Variants in ZNF76 observed in about 807,000 individuals in gnomAD.
ZNF76 encodes the protein zinc finger protein 523.
A neutral mutation model predicts 66.9 loss-of-function variants in ZNF76; 66 were observed. That is an observed-to-expected ratio of 0.99 (90% CI 0.81 to 1.21). ZNF76 has a LOEUF of 1.21. Among genes scored for constraint, ZNF76 ranks in the 50% most tolerant of loss-of-function variants. The pLI is 0.00. For synonymous variants in ZNF76, 275 were observed against 296.1 expected, an observed-to-expected ratio of 0.93 and a Z score of 0.73; for missense variants, 729 against 760.3, an observed-to-expected ratio of 0.96 and a Z score of 0.48.
chr6:35,284,177 C>T (rs1163521711), intron 2 of ZNF76, among the ~76,000 whole-genome samples: 10 of 151,910 alleles, frequency 6.6e-5, no homozygotes, highest in African/African-American at 2.2e-4. Context: ...CTGCAACCTT[C>T]GCCTCCCGGG....
Position 35,292,866 on chromosome 6 carries a change from G to A in ZNF76, c.1166-15G>A, listed in dbSNP as rs1790621465. On this transcript the variant is annotated splice_polypyrimidine_tract_variant and intron_variant, in intron 10 of 13. Coordinates refer to ENST00000373953, the MANE Select transcript of ZNF76 (RefSeq NM_003427.5). This position sits in a 1 kb window ranked among gnomAD's most constrained non-coding sequence, Gnocchi z 4.7. ...CATCTGGTAGCAGATGTCAGCCTTG[G>A]CTCTCCTCTCCCAGCCGCCTCTGCA... 6.2e-7 allele frequency: 1 copy of A among 1,613,876 alleles called. No homozygotes were observed. Among genetic ancestry groups the A allele is most frequent in the African/African-American group, 1.3e-5 (1 of 74,908 alleles).
chr6:35,281,529 C>T (rs1248738462), intron 2 of ZNF76, among the ~76,000 whole-genome samples: 1 of 152,190 alleles, frequency 6.6e-6, no homozygotes, highest in Admixed American at 6.5e-5. Context: ...TGACTCCCTG[C>T]TTTTCAGATA....
At chr6:35,278,288 C>T (rs1055343655) in intron 1 of ZNF76, among the ~76,000 whole-genome samples, 1 of 152,206 alleles carries the variant, frequency 6.6e-6, no homozygotes, top group Non-Finnish European at 1.5e-5. Context: ...CCTGCCTCAG[C>T]CTCCCAAGTA....
chr6:35,290,467 T>G, intron 6 of ZNF76, 85 bp downstream of exon 6: 1 of 1,580,322 alleles, frequency 6.3e-7, no homozygotes, highest in Non-Finnish European at 8.6e-7. Context: ...TTGGAATTGG[T>G]CCCTGCCCTC....
intron 5 of ZNF76, among the ~76,000 whole-genome samples, chr6:35,288,839 G>A (rs536005836): frequency 4.0e-4 from 61 of 151,798 alleles, no homozygotes; most frequent in African/African-American, 1.3e-3. Flanking sequence ...GTGCGCACCT[G>A]TGGTCCCAGC....
At position 35,286,226 on chromosome 6, in the gene ZNF76, C is replaced by T. The variant is rs1789541760; in HGVS notation, c.154+18C>T. 1.9e-6 allele frequency: 3 copies of T among 1,613,900 alleles called. No individual in the cohort carries two copies. The highest frequency in any genetic ancestry group is 2.5e-6 in the Non-Finnish European group (3 of 1,179,752). ...ACAGAAAGGTGAGGGCACCCCAACA[C>T]ACCATGCCTTGTCGAGGGAAGCCTG... On this transcript the variant is annotated intron_variant, in intron 3 of 13. Transcript: ENST00000373953.
At position 35,293,891 on chromosome 6, in the gene ZNF76, C is replaced by T. The variant is rs1790798055; in HGVS notation, c.1470C>T (p.Ser490=). The change falls in exon 12 of 14, where the codon AGC becomes AGT. Residue 490 remains serine, a synonymous_variant. Coordinates refer to ENST00000373953, the MANE Select transcript of ZNF76 (RefSeq NM_003427.5). ...GCACACATACAGTCACCATGGTCAG[C>T]GCCGATGGCACCCAGACGCAGCCCG... ...TSGTHTVTMV[S]ADGTQTQPVT... 1 of 1,614,100 alleles carries T rather than the reference C, an allele frequency of 6.2e-7. No individual in the cohort carries two copies. Among genetic ancestry groups the T allele is most frequent in the South Asian group, 1.1e-5 (1 of 91,072 alleles).
At chr6:35,261,171 G>A (rs1785196390) in intron 1 of ZNF76, among the ~76,000 whole-genome samples, 3 of 152,142 alleles carry the variant, frequency 2.0e-5, no homozygotes, top group Admixed American at 6.5e-5. Context: ...GTAAAGCACC[G>A]GGCACCATGC....
At position 35,291,698 on chromosome 6, in the gene ZNF76, A is replaced by G. The variant is rs776340002; in HGVS notation, c.892A>G (p.Ser298Gly). The change falls in exon 9 of 14, where the codon AGC (serine) becomes GGC (glycine). Residue 298 changes from serine to glycine, a missense_variant. Physicochemically the swap from Ser to Gly is moderately conservative, Grantham distance 56. Coordinates refer to ENST00000373953, the MANE Select transcript of ZNF76 (RefSeq NM_003427.5). The part of the protein sequence containing the change: ...PEPHCGRGFT[S>G]ATNYKNHVRI... The stretch of plus-strand genomic sequence containing the variant: ...GCCCCACTGTGGCCGCGGCTTCACC[A>G]GCGCCACCAACTATAAGAATCACGT... The G allele has an allele frequency of 1.9e-6, 3 of 1,612,616 alleles. No homozygotes were observed.
intron 1 of ZNF76, among the ~76,000 whole-genome samples, chr6:35,260,076 C>T (rs894956921): frequency 6.6e-6 from 1 of 152,052 alleles, no homozygotes; most frequent in Non-Finnish European, 1.5e-5. Flanking sequence ...CGGCGCCCGC[C>T]TCCACCCTTG....
At chr6:35,275,021 G>A (rs754709499) in intron 1 of ZNF76, among the ~76,000 whole-genome samples, 1 of 152,098 alleles carries the variant, frequency 6.6e-6, no homozygotes, top group Non-Finnish European at 1.5e-5. Flanking sequence ...CGGGCGTGGT[G>A]GTGCATGCCT....
chr6:35,286,374 G>A lies in ZNF76; in HGVS notation c.207G>A (p.Met69Ile). ...GQPVQLEDGS[M>I]AYIHRTPREG... ...CTGTGCAGCTGGAAGATGGCAGCAT[G>A]GCTTACATACACCGCACACCCAGAG... Residue 69 changes from methionine to isoleucine, a missense_variant, in exon 4 of 14, where the codon ATG becomes ATA. Met to Ile is a conservative substitution (Grantham distance 10). Transcript: ENST00000373953. The A allele has an allele frequency of 1.9e-6, 3 of 1,614,174 alleles. No individual in the cohort carries two copies. Among genetic ancestry groups the A allele is most frequent in the Non-Finnish European group, 2.5e-6 (3 of 1,180,050 alleles).
At chr6:35,267,713 G>A (rs1043220290) in intron 1 of ZNF76, among the ~76,000 whole-genome samples, 9 of 152,306 alleles carry the variant, frequency 5.9e-5, no homozygotes, top group African/African-American at 1.9e-4. Flanking sequence ...AAGTGCAGAC[G>A]AAACATGGGG....
intron 12 of ZNF76, 62 bp from the exon 13 acceptor site, chr6:35,294,394 T>C: frequency 8.7e-7 from 1 of 1,150,874 alleles, no homozygotes; most frequent in Non-Finnish European, 1.3e-6. Flanking sequence ...GGATGTTTAT[T>C]TGGATTGTGG....
rs1158260727 is a variant in ZNF76 at position 35,291,390 on chromosome 6, C to G, written c.738C>G (p.Val246=). ...CCTCAGGAGACCTGCAGAAGCATGT[C>G]CGTACCCACACTGGTATGCTGGGCC... ...FKTSGDLQKH[V]RTHTGERPFQ... is the part of the protein sequence containing the mutation. Residue 246 remains valine, a synonymous_variant, in exon 8 of 14, where the codon GTC becomes GTG. Coordinates refer to ENST00000373953, the MANE Select transcript of ZNF76 (RefSeq NM_003427.5). 1 of 1,614,032 alleles carries G rather than the reference C, an allele frequency of 6.2e-7. No homozygotes were observed. The highest frequency in any genetic ancestry group is 8.5e-7 in the Non-Finnish European group (1 of 1,180,024).
intron 5 of ZNF76, chr6:35,288,147 C>G: frequency 1.7e-6 from 1 of 585,582 alleles, no homozygotes; most frequent in East Asian, 3.8e-5. Context: ...CATCCTTATG[C>G]TGAGGAGTTA....
chr6:35,278,711 C>T (rs938121483), intron 1 of ZNF76, among the ~76,000 whole-genome samples: 12 of 152,212 alleles, frequency 7.9e-5, no homozygotes, highest in Admixed American at 7.2e-4. Flanking sequence ...GTTTAGAGGC[C>T]GTGGGCTTCC....
rs1790249326 is a variant in ZNF76, at chr6:35,290,659, A to G, written c.568A>G (p.Thr190Ala). Residue 190 changes from threonine (T) to alanine (A), a missense_variant, in exon 7 of 14, where the codon ACA becomes GCA. Physicochemically the swap from Thr to Ala is moderately conservative, Grantham distance 58. Transcript: ENST00000373953. Reference sequence around the variant, plus strand: ...CTCACAGGTGCATGAACGAGCTCATACAGGTGACCGTCCATACAGATGTGA... The same window carrying G: ...CTCACAGGTGCATGAACGAGCTCATGCAGGTGACCGTCCATACAGATGTGA... ...HHLKVHERAH[T>A]GDRPYRCDFP... is the part of the protein sequence containing the mutation. The G allele has an allele frequency of 6.2e-7, 1 of 1,614,078 alleles. No homozygotes were observed. The highest frequency in any genetic ancestry group is 8.5e-7 in the Non-Finnish European group (1 of 1,180,030).
intron 2 of ZNF76, among the ~76,000 whole-genome samples, chr6:35,285,055 T>C (rs1472115094): frequency 6.6e-6 from 1 of 152,246 alleles, no homozygotes; most frequent in Non-Finnish European, 1.5e-5. Flanking sequence ...CTCATTTCTC[T>C]TCTTCCTTCC....
Sources: allele counts gnomAD v4.1 joint callset (sites outside exome capture counted in the v4.1 genomes callset), GRCh38; gene constraint gnomAD v4.1.1; non-coding constraint Gnocchi (gnomAD v3.1); transcripts MANE v1.5; gene names NCBI Gene and HGNC (gene_info 2026-07-23, HGNC 2026-07-21).